The following GRIP1 variants were observed in gnomAD, a reference collection of about 807,000 sequenced individuals.
The protein encoded by GRIP1 is glutamate receptor-interacting protein 1.
In GRIP1, 45 loss-of-function variants were observed where a neutral mutation model predicts 129.9. The observed-to-expected ratio is 0.35, with a 90% CI of 0.27 to 0.44. The LOEUF is 0.44. GRIP1 is among the 20% of genes least tolerant of loss of function. GRIP1 has a pLI of 1.00. For synonymous variants in GRIP1, 530 were observed against 520.8 expected (o/e 1.02, Z -0.24); for missense variants, 1,196 against 1,396.8 (o/e 0.86, Z 2.29).
At chr12:66,621,886 T>C (rs1190876706) in intron 1 of GRIP1, among the ~76,000 whole-genome samples, 2 of 152,166 alleles carry the variant, frequency 1.3e-5, no homozygotes, top group East Asian at 1.9e-4. Context: ...CCCATTTGTG[T>C]ATCTTCTTTC....
At chr12:66,890,127 CTA>C (rs1186068440) in intron 1 of GRIP1, among the ~76,000 whole-genome samples, 1 of 152,058 alleles carries the variant, frequency 6.6e-6, no homozygotes, top group African/African-American at 2.4e-5. Flanking sequence ...CAGGGTCTCA[CTA>C]TGTTACTCAG....
At chr12:66,556,797 TGG>T (rs2062349705) in intron 2 of GRIP1, among the ~76,000 whole-genome samples, 1 of 151,956 alleles carries the variant, frequency 6.6e-6, no homozygotes, top group Non-Finnish European at 1.5e-5. Context: ...GCAAGCCTTA[TGG>T]TAACCTCAAA....
chr12:66,389,315 G>A (rs538779706), intron 19 of GRIP1, among the ~76,000 whole-genome samples: 5 of 152,090 alleles, frequency 3.3e-5, no homozygotes, highest in African/African-American at 7.2e-5. Flanking sequence ...TGCAATCTCC[G>A]CCTCCTGGTT....
intron 11 of GRIP1, among the ~76,000 whole-genome samples, chr12:66,447,521 G>A (rs972357329): frequency 3.9e-5 from 6 of 152,118 alleles, no homozygotes; most frequent in Non-Finnish European, 8.8e-5. Flanking sequence ...ACCCTTTGAC[G>A]AGAGTTCCTT....
intron 1 of GRIP1, among the ~76,000 whole-genome samples, chr12:67,029,321 C>T (rs986204358): frequency 6.6e-6 from 1 of 151,990 alleles, no homozygotes; most frequent in African/African-American, 2.4e-5. Context: ...GCCTCATTGC[C>T]CAGGCTAGTC....
At chr12:67,033,406 T>G (rs1415749385) in intron 1 of GRIP1, among the ~76,000 whole-genome samples, 1 of 151,968 alleles carries the variant, frequency 6.6e-6, no homozygotes, top group Non-Finnish European at 1.5e-5. Context: ...CCCAAAATTC[T>G]CATCCCAGTA....
At chr12:66,365,294 G>A (rs971018858) in intron 23 of GRIP1, among the ~76,000 whole-genome samples, 14 of 151,972 alleles carry the variant, frequency 9.2e-5, no homozygotes, top group Admixed American at 5.9e-4. Context: ...AAAATTACCC[G>A]GGCATGGTGG....
At chr12:66,522,866 G>C (rs562180226) in intron 5 of GRIP1, among the ~76,000 whole-genome samples, 1 of 152,232 alleles carries the variant, frequency 6.6e-6, no homozygotes, top group East Asian at 1.9e-4. Context: ...CAAGGCTTGA[G>C]AACTATGTGA....
At chr12:66,964,969 T>A (rs955002602) in intron 1 of GRIP1, among the ~76,000 whole-genome samples, 1 of 152,086 alleles carries the variant, frequency 6.6e-6, no homozygotes, top group Non-Finnish European at 1.5e-5. Flanking sequence ...CTCATGAGGA[T>A]AACAGACCAA....
intron 1 of GRIP1, among the ~76,000 whole-genome samples, chr12:66,775,397 C>T (rs2037948232): frequency 6.6e-6 from 1 of 152,206 alleles, no homozygotes; most frequent in African/African-American, 2.4e-5. Context: ...GTTGTAGAAT[C>T]ATTCCCCTGG....
chr12:66,503,622 G>A lies in GRIP1; in HGVS notation c.724+11997C>T, dbSNP rs187329219. The stretch of plus-strand genomic sequence containing the variant: ...TCTTTCTTCTGAGGAGGCAAGAATC[G>A]AGGTTGCTGCAGACCCATACGGATT... On this transcript the variant is annotated intron_variant, in intron 7 of 24. Transcript: ENST00000359742. 4.5e-4 allele frequency among the ~76,000 whole-genome samples: 69 copies of A among 152,232 alleles called. No homozygotes were observed. The East Asian group carries it at 6.2e-3, about 14-fold the overall frequency.
chr12:66,457,262 A>G (rs2058995906), intron 9 of GRIP1, among the ~76,000 whole-genome samples: 1 of 152,148 alleles, frequency 6.6e-6, no homozygotes, highest in South Asian at 2.1e-4. Context: ...TCAAAATAAC[A>G]TATGAACTTA....
At chr12:66,603,542 C>A (rs73325131) in intron 1 of GRIP1, among the ~76,000 whole-genome samples, 2 of 152,190 alleles carry the variant, frequency 1.3e-5, no homozygotes, top group African/African-American at 2.4e-5. Context: ...TATGCACGTT[C>A]ATGTTTGGAA....
intron 1 of GRIP1, among the ~76,000 whole-genome samples, chr12:66,937,972 A>G (rs1213622247): frequency 6.6e-6 from 1 of 152,244 alleles, no homozygotes; most frequent in Non-Finnish European, 1.5e-5. Context: ...AACTATAGCT[A>G]GTCTGAATTG....
At position 66,625,001 on chromosome 12, in the gene GRIP1, C is replaced by CTT. The variant is rs11375282; in HGVS notation, c.56-28076_56-28075dup. 5.6e-4 allele frequency among the ~76,000 whole-genome samples: 82 copies of CTT among 145,370 alleles called. 1 individual carries two copies. The highest frequency in any genetic ancestry group is 1.4e-3 in the African/African-American group (56 of 39,826). On this transcript the variant is annotated intron_variant, in intron 1 of 24. Coordinates refer to ENST00000359742, the MANE Select transcript of GRIP1 (RefSeq NM_001366722.1). ...ACTTTTAGATCATGTATTTCAGTTC[C>CTT]TTTTTTTTTTTTTAAATAGGTTTGG...
intron 1 of GRIP1, among the ~76,000 whole-genome samples, chr12:67,023,676 T>A (rs2042899629): frequency 6.6e-6 from 1 of 152,136 alleles, no homozygotes; most frequent in Admixed American, 6.6e-5. Context: ...TTTATTGGGA[T>A]TACATTGAAT....
chr12:66,705,479 C>T lies in GRIP1; in HGVS notation c.-419-75143G>A, dbSNP rs550108778. Among the ~76,000 whole-genome samples the T allele has an allele frequency of 8.4e-3, 1,279 of 152,216 alleles. 20 individuals carry two copies. Among genetic ancestry groups the T allele is most frequent in the African/African-American group, 0.028 (1,181 of 41,536 alleles). ...CAATATCGTGAAAATGGCCATACTG[C>T]CCAAAGCAATTCATAGATTCAATGC... On this transcript the variant is annotated intron_variant, in intron 1 of 4. Coordinates refer to the GRIP1 transcript ENST00000538373.
At chr12:66,491,321 T>C (rs1343942788) in intron 7 of GRIP1, among the ~76,000 whole-genome samples, 1 of 152,114 alleles carries the variant, frequency 6.6e-6, no homozygotes, top group African/African-American at 2.4e-5. Flanking sequence ...AGGGACATGG[T>C]TGGAGTTGGA....
intron 7 of GRIP1, among the ~76,000 whole-genome samples, chr12:66,467,205 T>A (rs970130895): frequency 6.6e-6 from 1 of 152,112 alleles, no homozygotes; most frequent in African/African-American, 2.4e-5. Flanking sequence ...GAGCCAAAGG[T>A]CTTAATTATT....
Sources: gnomAD v4.1 joint callset for allele counts (sites outside exome capture counted in the v4.1 genomes callset) on GRCh38, gnomAD v4.1.1 for gene constraint, MANE v1.5 for transcripts, NCBI Gene and HGNC (gene_info 2026-07-23, HGNC 2026-07-21) for gene names.